Variants in PTPRM observed in about 807,000 individuals in gnomAD.
PTPRM encodes receptor-type tyrosine-protein phosphatase mu.
PTPRM carries 47 observed loss-of-function variants against 186.7 expected under a neutral mutation model. That is an observed-to-expected ratio of 0.25 (90% CI 0.20 to 0.32). The LOEUF (loss-of-function observed/expected upper bound fraction) is 0.32, where lower values mean the gene tolerates loss of function less well. Among genes scored for constraint, PTPRM ranks in the 10% least tolerant of loss-of-function variants. The pLI is 1.00. For synonymous variants in PTPRM, 668 were observed against 674.9 expected, an observed-to-expected ratio of 0.99 and a Z score of 0.16; for missense variants, 1,494 against 1,865.0, an observed-to-expected ratio of 0.80 and a Z score of 3.66.
chr18:7,991,921 T>C (rs2083287594), intron 7 of PTPRM, among the ~76,000 whole-genome samples: 1 of 152,216 alleles, frequency 6.6e-6, no homozygotes, highest in South Asian at 2.1e-4. Flanking sequence ...ATTAACAAAG[T>C]ATCTAGAGGT....
intron 19 of PTPRM, among the ~76,000 whole-genome samples, chr18:8,283,764 A>G (rs533329342): frequency 2.0e-5 from 3 of 151,976 alleles, no homozygotes; most frequent in Admixed American, 2.0e-4. Context: ...GACTATGGGC[A>G]TGTGCCACTA....
rs529986291 is a variant in PTPRM, at chr18:8,317,305, G to A, written c.2920-1873G>A. ...TACGGGGTTCAGGAGGGAGAGAGGGGTCAAGGATGCTGAGGAGAAGATGGT... is the reference window on the plus strand; with the variant it reads ...TACGGGGTTCAGGAGGGAGAGAGGGATCAAGGATGCTGAGGAGAAGATGGT... On this transcript the variant is annotated intron_variant, in intron 21 of 32. Transcript: ENST00000580170. Among the ~76,000 whole-genome samples the A allele has an allele frequency of 8.8e-4, 134 of 152,194 alleles. 1 individual carries two copies. The highest frequency in any genetic ancestry group is 2.9e-3 in the African/African-American group (119 of 41,500).
intron 3 of PTPRM, among the ~76,000 whole-genome samples, chr18:7,902,377 C>G (rs962215509): frequency 6.6e-6 from 1 of 152,118 alleles, no homozygotes; most frequent in Admixed American, 6.5e-5. Flanking sequence ...TTCTGAGACT[C>G]TCTTTGCCTC....
chr18:8,369,223 G>T (rs746697485), intron 23 of PTPRM, among the ~76,000 whole-genome samples: 3 of 152,174 alleles, frequency 2.0e-5, no homozygotes, highest in African/African-American at 7.2e-5. Context: ...TGGAAATGCT[G>T]GTTGGGGCCA....
Position 8,085,220 on chromosome 18 carries a change from A to T in PTPRM, c.1552-451A>T, listed in dbSNP as rs1409842632. Among the ~76,000 whole-genome samples the T allele has an allele frequency of 3.3e-5, 5 of 152,154 alleles. No homozygotes were observed. In the East Asian group the frequency reaches 7.7e-4, roughly 24 times the overall value. On this transcript the variant is annotated intron_variant, in intron 9 of 32. Coordinates refer to ENST00000580170, the MANE Select transcript of PTPRM (RefSeq NM_001105244.2). Reference sequence around the variant, plus strand: ...CATTGGAGCAGATGTCCTCACCCACATTGATGAAAACACTTCAGTGCCCTC... The same window carrying T: ...CATTGGAGCAGATGTCCTCACCCACTTTGATGAAAACACTTCAGTGCCCTC...
At chr18:7,737,048 C>T (rs893854422) in intron 1 of PTPRM, among the ~76,000 whole-genome samples, 8 of 152,222 alleles carry the variant, frequency 5.3e-5, no homozygotes, top group African/African-American at 1.9e-4. Flanking sequence ...GGGTGATCCA[C>T]CTGCCTTGGC....
chr18:8,016,135 C>G (rs1209417431), intron 7 of PTPRM, among the ~76,000 whole-genome samples: 1 of 152,130 alleles, frequency 6.6e-6, no homozygotes, highest in Non-Finnish European at 1.5e-5. Flanking sequence ...AAGCAAGAAC[C>G]TGAACTCCTG....
At chr18:7,645,681 T>A (rs1247068964) in intron 1 of PTPRM, among the ~76,000 whole-genome samples, 1 of 152,282 alleles carries the variant, frequency 6.6e-6, no homozygotes, top group South Asian at 2.1e-4. Context: ...ATTCAATATA[T>A]AACACAGATA....
intron 1 of PTPRM, among the ~76,000 whole-genome samples, chr18:7,619,322 A>G (rs547186827): frequency 3.3e-5 from 5 of 152,334 alleles, no homozygotes; most frequent in Non-Finnish European, 7.3e-5. Flanking sequence ...GGGAACATTT[A>G]CAGATGATGA....
chr18:8,124,921 A>G (rs1042635828), intron 13 of PTPRM, among the ~76,000 whole-genome samples: 1 of 152,118 alleles, frequency 6.6e-6, no homozygotes, highest in Non-Finnish European at 1.5e-5. Flanking sequence ...TGCACTGGGA[A>G]GCTTTTGTGA....
intron 7 of PTPRM, among the ~76,000 whole-genome samples, chr18:7,963,171 G>A (rs565833062): frequency 1.4e-4 from 22 of 152,338 alleles, no homozygotes; most frequent in African/African-American, 4.1e-4. Flanking sequence ...TTTGGGTCAC[G>A]TCACCGTGTA....
chr18:7,976,570 T>G (rs1263615728), intron 7 of PTPRM, among the ~76,000 whole-genome samples: 3 of 152,140 alleles, frequency 2.0e-5, no homozygotes, highest in Non-Finnish European at 4.4e-5. Flanking sequence ...CATGCAATTT[T>G]GCTGTTAACG....
Position 8,376,146 on chromosome 18 carries a change from G to A in PTPRM, c.3272G>A (p.Arg1091Gln), listed in dbSNP as rs775702343. 1.4e-5 allele frequency: 22 copies of A among 1,613,746 alleles called. No individual in the cohort carries two copies. The highest frequency in any genetic ancestry group is 2.7e-5 in the African/African-American group (2 of 74,912). ...GCCACCGGCCTGCTGGGATTCGTGC[G>A]GCAAGTCAAGTCCAAGAGCCCGCCC... ...YHATGLLGFV[R>Q]QVKSKSPPSA... is the part of the protein sequence containing the mutation. Residue 1091 changes from arginine to glutamine, a missense_variant, in exon 25 of 33, where the codon CGG becomes CAG. Coordinates refer to ENST00000580170, the MANE Select transcript of PTPRM (RefSeq NM_001105244.2).
intron 15 of PTPRM, among the ~76,000 whole-genome samples, chr18:8,245,586 A>AT (rs2094470230): frequency 6.6e-6 from 1 of 152,228 alleles, no homozygotes; most frequent in South Asian, 2.1e-4. Flanking sequence ...TTTAACTGCC[A>AT]TAAGAAAGCA....
Position 7,567,545 on chromosome 18 carries a change from G to T in PTPRM, c.-274G>T. The T allele has an allele frequency of 2.8e-6, 1 of 354,724 alleles. No individual in the cohort carries two copies. The highest frequency in any genetic ancestry group is 5.0e-6 in the Non-Finnish European group (1 of 199,508). The allele number at this position is 354,724 out of a possible 1,614,324, so 22.0% of individuals were successfully genotyped here. Reference sequence around the variant, plus strand: ...GCAACCGGAACCGAGGGAAGATTTTGGCTCCGCGGGCTCGCCCTCCGCTCC... The same window carrying T: ...GCAACCGGAACCGAGGGAAGATTTTTGCTCCGCGGGCTCGCCCTCCGCTCC... On this transcript the variant is annotated 5_prime_UTR_variant, in exon 1 of 33. Transcript: ENST00000580170. The surrounding 1 kb of genome is among the most constrained non-coding windows in gnomAD (Gnocchi z 4.3).
chr18:7,863,951 T>A (rs1237387407), intron 2 of PTPRM, among the ~76,000 whole-genome samples: 1 of 152,226 alleles, frequency 6.6e-6, no homozygotes, highest in African/African-American at 2.4e-5. Context: ...TAATGACCAG[T>A]GGTGATGAGC....
intron 11 of PTPRM, among the ~76,000 whole-genome samples, chr18:8,092,962 A>G (rs2090826664): frequency 6.6e-6 from 1 of 152,166 alleles, no homozygotes; most frequent in African/African-American, 2.4e-5. Context: ...AGCCTGGACA[A>G]CATAGAGAGG....
intron 4 of PTPRM, among the ~76,000 whole-genome samples, chr18:7,908,226 G>T (rs1219099258): frequency 6.6e-6 from 1 of 151,998 alleles, no homozygotes; most frequent in African/African-American, 2.4e-5. Flanking sequence ...CTGTATCTTT[G>T]TTCAAAATTG....
At chr18:8,115,287 C>T (rs1388730985) in intron 13 of PTPRM, among the ~76,000 whole-genome samples, 2 of 152,042 alleles carry the variant, frequency 1.3e-5, no homozygotes, top group African/African-American at 2.4e-5. Context: ...ACTGGTGGTG[C>T]GTGTCTCTCT....
Sources: allele counts gnomAD v4.1 joint callset (sites outside exome capture counted in the v4.1 genomes callset), GRCh38; gene constraint gnomAD v4.1.1; non-coding constraint Gnocchi (gnomAD v3.1); transcripts MANE v1.5; gene names NCBI Gene and HGNC (gene_info 2026-07-23, HGNC 2026-07-21).